Variants in ADGRB1 observed in about 807,000 individuals in gnomAD.
The protein encoded by ADGRB1 is adhesion G protein-coupled receptor B1.
A neutral mutation model predicts 175.7 loss-of-function variants in ADGRB1; 36 were observed. That is an observed-to-expected ratio of 0.20 (90% CI 0.16 to 0.27). ADGRB1 has a LOEUF of 0.27. Ranked by LOEUF, ADGRB1 falls within the 10% of genes least tolerant of loss-of-function variation. ADGRB1 has a pLI of 1.00. For synonymous variants in ADGRB1, 1,054 were observed against 979.4 expected (o/e 1.08, Z -1.42); for missense variants, 1,731 against 2,255.3 (o/e 0.77, Z 4.71).
At chr8:142,522,159 TC>T (rs1489114379) in intron 21 of ADGRB1, 44 bp downstream of exon 21, 2 of 1,586,420 alleles carry the variant, frequency 1.3e-6, no homozygotes. Flanking sequence ...ATACCCTTCC[TC>T]CCCCACTGCT....
chr8:142,469,573 ATG>A (rs1352521859), intron 2 of ADGRB1, among the ~76,000 whole-genome samples: 5 of 119,462 alleles, frequency 4.2e-5, no homozygotes, highest in East Asian at 2.7e-4. Flanking sequence ...ATGTGTGTGC[ATG>A]TGTGCATGTG....
At chr8:142,461,721 C>T (rs1452746530) in intron 1 of ADGRB1, among the ~76,000 whole-genome samples, 1 of 152,170 alleles carries the variant, frequency 6.6e-6, no homozygotes, top group African/African-American at 2.4e-5. Context: ...GCGGGTCCCT[C>T]TGGGGTGAAG....
Position 142,464,735 on chromosome 8 carries a change from C to G in ADGRB1, c.537C>G (p.Arg179=). Residue 179 remains arginine (R), a synonymous_variant, in exon 2 of 31, where the codon CGC becomes CGG. Coordinates refer to ENST00000517894, the MANE Select transcript of ADGRB1 (RefSeq NM_001702.3). ...FSVEYLVVGN[R]NPSRAACQML... Reference sequence around the variant, plus strand: ...TGGAGTACCTGGTGGTGGGGAACCGCAACCCCAGCCGTGCCGCCTGCCAGA... The same window carrying G: ...TGGAGTACCTGGTGGTGGGGAACCGGAACCCCAGCCGTGCCGCCTGCCAGA... 1 of 1,534,160 alleles carries G rather than the reference C, an allele frequency of 6.5e-7. No individual in the cohort carries two copies. Among genetic ancestry groups the G allele is most frequent in the African/African-American group, 1.4e-5 (1 of 72,614 alleles).
In ADGRB1 at chr8:142,537,052, C is replaced by T; in HGVS notation, c.3636C>T (p.Gly1212=). 1 of 1,579,052 alleles carries T rather than the reference C, an allele frequency of 6.3e-7. No homozygotes were observed. ...AGGAGGGCAACGGGGACTCAGGGGG[C>T]TCCTTCCAGAACGGCCACGCCCAGC... The part of the protein sequence containing the change: ...RQEEGNGDSG[G]SFQNGHAQLM... Residue 1212 remains glycine, a synonymous_variant, in exon 26 of 31, where the codon GGC becomes GGT. Transcript: ENST00000517894. The surrounding 1 kb of genome is among the most constrained non-coding windows in gnomAD (Gnocchi z 4.6).
At chr8:142,486,592 A>G (rs150157533) in intron 13 of ADGRB1, among the ~76,000 whole-genome samples, 60 of 152,352 alleles carry the variant, frequency 3.9e-4, no homozygotes, top group African/African-American at 1.3e-3. Flanking sequence ...TGCAGGCGGC[A>G]TTCAGACGTG....
chr8:142,477,127 C>G lies in ADGRB1; in HGVS notation c.1071C>G (p.Ala357=), dbSNP rs754066980. The G allele has an allele frequency of 1.3e-6, 2 of 1,578,502 alleles. No homozygotes were observed. Among genetic ancestry groups the G allele is most frequent in the Non-Finnish European group, 1.7e-6 (2 of 1,168,222 alleles). ...FPAPQTGDPA[A]EEWSPWSVCS... is the part of the protein sequence containing the mutation. ...TGGGGCCTGCAGGTGACCCAGCAGC[C>G]GAGGAGTGGTCCCCGTGGAGCGTGT... The change falls in exon 5 of 31, where the codon GCC becomes GCG. Residue 357 remains alanine, a synonymous_variant. Transcript: ENST00000517894.
intron 2 of ADGRB1, among the ~76,000 whole-genome samples, chr8:142,466,695 G>A (rs947708730): frequency 2.0e-5 from 3 of 152,230 alleles, no homozygotes; most frequent in Admixed American, 1.3e-4. Context: ...AGGGATGAGT[G>A]TCAGGGGGAC....
intron 1 of ADGRB1, among the ~76,000 whole-genome samples, chr8:142,462,692 G>C (rs1840033793): frequency 6.6e-6 from 1 of 152,262 alleles, no homozygotes. Context: ...CATTTGTGCG[G>C]TCAGCAGAGC....
chr8:142,544,101 C>T, intron 30 of ADGRB1, 119 bp from the exon 31 acceptor site: 1 of 1,105,864 alleles, frequency 9.0e-7, no homozygotes, highest in Non-Finnish European at 1.3e-6. Context: ...CCCCTGTCCC[C>T]TGTCCCCCAC....
intron 1 of ADGRB1, among the ~76,000 whole-genome samples, chr8:142,456,349 A>G (rs1384319871): frequency 6.6e-6 from 1 of 152,104 alleles, no homozygotes; most frequent in African/African-American, 2.4e-5. Context: ...GCACACACGC[A>G]TGTGCACACA....
intron 2 of ADGRB1, 52 bp downstream of exon 2, chr8:142,465,034 A>G: frequency 7.6e-6 from 2 of 262,142 alleles, no homozygotes; most frequent in South Asian, 6.6e-5. Context: ...CAGACAGGGG[A>G]GGCGGGCAGA....
chr8:142,489,517 A>C (rs74370384), intron 16 of ADGRB1, 79 bp downstream of exon 16: 33 of 1,461,632 alleles, frequency 2.3e-5, no homozygotes, highest in Non-Finnish European at 9.5e-7. Context: ...TCAGCCACTA[A>C]GCCTTTGGGG....
chr8:142,471,300 C>T (rs969140556), intron 2 of ADGRB1, among the ~76,000 whole-genome samples: 1 of 152,230 alleles, frequency 6.6e-6, no homozygotes, highest in Non-Finnish European at 1.5e-5. Flanking sequence ...ACGCACCCCA[C>T]GCCCGCCTGG....
At chr8:142,486,757 G>A (rs6583638) in intron 13 of ADGRB1, among the ~76,000 whole-genome samples, 40,062 of 152,168 alleles carry the variant, frequency 0.26, 6,422 homozygotes, top group African/African-American at 0.44. Context: ...AGCGGCTCAC[G>A]CCTGTAATCC....
At chr8:142,525,437 G>A (rs1844118300) in intron 23 of ADGRB1, among the ~76,000 whole-genome samples, 1 of 152,054 alleles carries the variant, frequency 6.6e-6, no homozygotes, top group African/African-American at 2.4e-5. Context: ...AGCCCCAGCA[G>A]CCCCTCCTGT....
intron 2 of ADGRB1, among the ~76,000 whole-genome samples, chr8:142,466,776 G>T (rs1414368570): frequency 6.6e-6 from 1 of 152,164 alleles, no homozygotes; most frequent in African/African-American, 2.4e-5. Context: ...CGGTTTGGGA[G>T]GTGGGAGGCT....
intron 6 of ADGRB1, 38 bp from the exon 7 acceptor site, chr8:142,478,149 G>C: frequency 1.3e-6 from 2 of 1,573,218 alleles, no homozygotes; most frequent in Non-Finnish European, 1.7e-6. Flanking sequence ...TGGGGTGCCG[G>C]GTGTTCACGC....
At chr8:142,471,761 C>G (rs1162430049) in intron 2 of ADGRB1, among the ~76,000 whole-genome samples, 1 of 152,234 alleles carries the variant, frequency 6.6e-6, no homozygotes, top group Non-Finnish European at 1.5e-5. Flanking sequence ...GTGCCCGCCT[C>G]TGTGGCGGGA....
In ADGRB1 at chr8:142,504,745, C is replaced by T. The variant is rs1440982311; in HGVS notation, c.2676-6187C>T. On this transcript the variant is annotated intron_variant, in intron 17 of 30. Transcript: ENST00000517894. This position sits in a 1 kb window ranked among gnomAD's most constrained non-coding sequence, Gnocchi z 5.6. ...GGCTTGTACCTAGGGGTGATCGAGC[C>T]GCGTGTTGGTTTAAGGGGCACTGGG... Among the ~76,000 whole-genome samples, 3 of 151,976 alleles carry T rather than the reference C, an allele frequency of 2.0e-5. No homozygotes were observed. Among genetic ancestry groups the T allele is most frequent in the Non-Finnish European group, 4.4e-5 (3 of 67,968 alleles).
Sources: allele counts gnomAD v4.1 joint callset (sites outside exome capture counted in the v4.1 genomes callset), GRCh38; gene constraint gnomAD v4.1.1; non-coding constraint Gnocchi (gnomAD v3.1); transcripts MANE v1.5; gene names NCBI Gene and HGNC (gene_info 2026-07-23, HGNC 2026-07-21).